SCFD2: variants seen among roughly 807,000 people sequenced by gnomAD.
SCFD2 encodes sec1 family domain containing 2.
Under a neutral mutation model 58.9 loss-of-function variants are expected in SCFD2, and 54 were observed. That is an observed-to-expected ratio of 0.92 (90% CI 0.74 to 1.15). The LOEUF (loss-of-function observed/expected upper bound fraction) is 1.15. Ranked by LOEUF, SCFD2 falls within the 50% of genes most tolerant of loss-of-function variation. The pLI is 0.00. For synonymous variants in SCFD2, 321 were observed against 335.9 expected (o/e 0.96, Z 0.49); for missense variants, 805 against 836.6 (o/e 0.96, Z 0.47).
At chr4:53,303,169 A>G (rs906183079) in intron 3 of SCFD2, among the ~76,000 whole-genome samples, 2 of 152,224 alleles carry the variant, frequency 1.3e-5, no homozygotes, top group African/African-American at 4.8e-5. Context: ...CAGGCAACCT[A>G]CAGAATGGGA....
In SCFD2 at chr4:53,063,172, C is replaced by A. The variant is rs533233137; in HGVS notation, c.1561+82161G>T. 2.0e-4 allele frequency among the ~76,000 whole-genome samples: 31 copies of A among 152,238 alleles called. 1 individual carries two copies. The South Asian group carries it at 6.2e-3, about 31-fold the overall frequency. On this transcript the variant is annotated intron_variant, in intron 5 of 8. Transcript: ENST00000401642. ...AAGGTTAATTTAGAAATTTCATCTT[C>A]TTCACAATTGGAAACAGTATTTGGA...
Position 52,994,847 on chromosome 4 carries a change from A to G in SCFD2, c.1562-73977T>C, listed in dbSNP as rs60661254. 1.4e-4 allele frequency among the ~76,000 whole-genome samples: 21 copies of G among 152,204 alleles called. No homozygotes were observed. In the East Asian group the frequency reaches 4.1e-3, roughly 29 times the overall value. On this transcript the variant is annotated intron_variant, in intron 5 of 8. Transcript: ENST00000401642. ...ATACACTATATTTATCATCATTACC[A>G]TCATCATCGTCATAAAAAAAAAGCC... is the stretch of plus-strand genomic sequence containing the variant.
At chr4:52,898,817 C>T (rs1233323117) in intron 7 of SCFD2, among the ~76,000 whole-genome samples, 1 of 152,180 alleles carries the variant, frequency 6.6e-6, no homozygotes, top group Non-Finnish European at 1.5e-5. Context: ...TAAGGACTTG[C>T]TTTATGAATC....
chr4:53,331,142 T>A (rs1012437459), intron 2 of SCFD2, among the ~76,000 whole-genome samples: 5 of 151,648 alleles, frequency 3.3e-5, no homozygotes, highest in Admixed American at 1.3e-4. Context: ...CACACATTAA[T>A]AATGGGAGAC....
chr4:52,984,676 C>T (rs959107488), intron 5 of SCFD2, among the ~76,000 whole-genome samples: 2 of 152,196 alleles, frequency 1.3e-5, no homozygotes, highest in Non-Finnish European at 2.9e-5. Context: ...GAATCATCAA[C>T]GACAAATCCT....
At chr4:53,320,492 C>T (rs566897343) in intron 2 of SCFD2, among the ~76,000 whole-genome samples, 4 of 152,238 alleles carry the variant, frequency 2.6e-5, no homozygotes, top group Non-Finnish European at 5.9e-5. Context: ...TGGTGCACGC[C>T]GGCAATCCCA....
chr4:53,058,229 A>C (rs547162477), intron 5 of SCFD2, among the ~76,000 whole-genome samples: 84 of 152,288 alleles, frequency 5.5e-4, no homozygotes, highest in African/African-American at 2.0e-3. Flanking sequence ...GTTTTGCTAA[A>C]TATAACATTA....
At chr4:53,031,819 C>G (rs981624905) in intron 5 of SCFD2, among the ~76,000 whole-genome samples, 14 of 152,258 alleles carry the variant, frequency 9.2e-5, no homozygotes, top group Admixed American at 8.5e-4. Flanking sequence ...AATTGGTATA[C>G]CTGAAAGTGA....
At chr4:53,302,648 T>C (rs1732353843) in intron 3 of SCFD2, among the ~76,000 whole-genome samples, 1 of 152,118 alleles carries the variant, frequency 6.6e-6, no homozygotes, top group Non-Finnish European at 1.5e-5. Flanking sequence ...GCCAAGTCAA[T>C]CCTAAGCCAA....
intron 2 of SCFD2, among the ~76,000 whole-genome samples, chr4:53,329,767 G>A (rs1319361698): frequency 1.3e-5 from 2 of 151,504 alleles, no homozygotes; most frequent in Non-Finnish European, 3.0e-5. Context: ...CGAGCTGAGA[G>A]AAGAAGGCTT....
At chr4:53,129,173 A>G (rs1156316730) in intron 5 of SCFD2, among the ~76,000 whole-genome samples, 1 of 152,234 alleles carries the variant, frequency 6.6e-6, no homozygotes, top group East Asian at 1.9e-4. Context: ...CAGGTTGGCA[A>G]CAACTCAAGA....
At chr4:53,138,345 G>T (rs1726004806) in intron 5 of SCFD2, among the ~76,000 whole-genome samples, 1 of 152,020 alleles carries the variant, frequency 6.6e-6, no homozygotes, top group Non-Finnish European at 1.5e-5. Context: ...TGCTTTTTTT[G>T]ATATACCTCT....
intron 5 of SCFD2, among the ~76,000 whole-genome samples, chr4:53,005,384 C>T (rs1341281608): frequency 6.6e-6 from 1 of 152,216 alleles, no homozygotes; most frequent in Non-Finnish European, 1.5e-5. Flanking sequence ...TCCCGGAGGT[C>T]AGGCATTTGA....
At chr4:53,009,501 G>T (rs1722050306) in intron 5 of SCFD2, among the ~76,000 whole-genome samples, 1 of 152,206 alleles carries the variant, frequency 6.6e-6, no homozygotes, top group East Asian at 1.9e-4. Context: ...CCTTTTTTTA[G>T]CAAGCACCTT....
intron 4 of SCFD2, among the ~76,000 whole-genome samples, chr4:53,231,433 A>C (rs1729436677): frequency 6.6e-6 from 1 of 152,196 alleles, no homozygotes. Flanking sequence ...TTACATAAGA[A>C]ATCATCTCCA....
chr4:53,002,469 G>T (rs1461440147), intron 5 of SCFD2, among the ~76,000 whole-genome samples: 1 of 152,068 alleles, frequency 6.6e-6, no homozygotes, highest in African/African-American at 2.4e-5. Context: ...ATATCACTGG[G>T]GAAGGGTAAG....
intron 5 of SCFD2, among the ~76,000 whole-genome samples, chr4:53,115,089 G>A (rs4320191): frequency 0.38 from 57,764 of 151,820 alleles, 11,732 homozygotes; most frequent in Non-Finnish European, 0.44. Context: ...AATTAGAAGG[G>A]ATAATCAGAA....
At chr4:53,253,796 G>C (rs1337976315) in intron 4 of SCFD2, among the ~76,000 whole-genome samples, 1 of 147,954 alleles carries the variant, frequency 6.8e-6, no homozygotes, top group Non-Finnish European at 1.5e-5. Context: ...GCTAAATGAC[G>C]AGTTAATGAG....
At chr4:53,266,288 G>A (rs1204162809) in intron 4 of SCFD2, among the ~76,000 whole-genome samples, 1 of 152,126 alleles carries the variant, frequency 6.6e-6, no homozygotes, top group African/African-American at 2.4e-5. Context: ...TTTTGACCCA[G>A]CTGAAAGAAT....
Sources: allele counts gnomAD v4.1 joint callset (sites outside exome capture counted in the v4.1 genomes callset), GRCh38; gene constraint gnomAD v4.1.1; transcripts MANE v1.5; gene names NCBI Gene and HGNC (gene_info 2026-07-23, HGNC 2026-07-21).